Variants in RMST observed in about 807,000 individuals in gnomAD.
The protein encoded by RMST is rhabdomyosarcoma 2 associated transcript.
At chr12:97,507,007 A>T (rs1457374718) in intron 10 of RMST, among the ~76,000 whole-genome samples, 1 of 152,070 alleles carries the variant, frequency 6.6e-6, no homozygotes, top group Non-Finnish European at 1.5e-5. Context: ...AGCGGAGAAG[A>T]TAACACCTGC....
chr12:97,554,590 G>A (rs1271045742), intron 11 of RMST, among the ~76,000 whole-genome samples: 3 of 152,014 alleles, frequency 2.0e-5, no homozygotes, highest in Non-Finnish European at 4.4e-5. Context: ...TTCACAAAAT[G>A]TTATTACTCA....
intron 11 of RMST, chr12:97,533,063 T>C (rs1267782342): frequency 6.6e-6 from 1 of 151,864 alleles, no homozygotes; most frequent in Admixed American, 6.6e-5. Context: ...AGAAGGACCA[T>C]AGCTCTCGCA....
intron 11 of RMST, among the ~76,000 whole-genome samples, chr12:97,540,357 T>A (rs921345506): frequency 4.0e-5 from 6 of 151,792 alleles, no homozygotes; most frequent in Admixed American, 1.3e-4. Flanking sequence ...GAAGACATTT[T>A]AAAAAATTTA....
chr12:97,513,597 G>A (rs1879640563), intron 10 of RMST, among the ~76,000 whole-genome samples: 1 of 152,174 alleles, frequency 6.6e-6, no homozygotes, highest in Non-Finnish European at 1.5e-5. Flanking sequence ...AAGCTGTTGT[G>A]AAAGAGAAAG....
intron 13 of RMST, among the ~76,000 whole-genome samples, chr12:97,562,014 T>G (rs1884148269): frequency 6.6e-6 from 1 of 152,178 alleles, no homozygotes; most frequent in Non-Finnish European, 1.5e-5. Flanking sequence ...CAGTTTTTGC[T>G]GGCTGAGTGC....
intron 11 of RMST, among the ~76,000 whole-genome samples, chr12:97,531,852 A>G (rs984473406): frequency 1.4e-4 from 21 of 152,000 alleles, no homozygotes; most frequent in Admixed American, 1.2e-3. Flanking sequence ...TTATGAAATT[A>G]CATTTTGGAA....
At chr12:97,475,952 CGTT>C (rs1267260034) in intron 5 of RMST, among the ~76,000 whole-genome samples, 2 of 152,120 alleles carry the variant, frequency 1.3e-5, no homozygotes, top group African/African-American at 4.8e-5. Context: ...CACATACTGA[CGTT>C]GTTTGAGAGT....
chr12:97,554,385 G>A (rs1344019127), intron 11 of RMST, among the ~76,000 whole-genome samples: 1 of 152,108 alleles, frequency 6.6e-6, no homozygotes, highest in Admixed American at 6.5e-5. Flanking sequence ...GATAATTTAA[G>A]TAGTAGAAAT....
intron 5 of RMST, among the ~76,000 whole-genome samples, chr12:97,471,706 C>T (rs1381769021): frequency 2.6e-5 from 4 of 152,132 alleles, no homozygotes; most frequent in African/African-American, 9.7e-5. Flanking sequence ...ATCTCACTGC[C>T]ACCTGGGTGC....
intron 11 of RMST, among the ~76,000 whole-genome samples, chr12:97,537,537 A>AT (rs1042966335): frequency 4.0e-5 from 6 of 151,236 alleles, no homozygotes; most frequent in South Asian, 4.2e-4. Flanking sequence ...AAAATTACAC[A>AT]TTTTTTTGCA....
rs554247066 is a variant in RMST at position 97,498,438 on chromosome 12, T to C, written n.1340+2382T>C. Among the ~76,000 whole-genome samples the C allele has an allele frequency of 1.8e-4, 28 of 152,262 alleles. No homozygotes were observed. In the South Asian group the frequency reaches 3.7e-3, roughly 20 times the overall value. ...AGGAAAGTAATCATCCCCATCCCCATAGAGTGGTTGTAAAGATTAAACAGG... is the reference window on the plus strand; with the variant it reads ...AGGAAAGTAATCATCCCCATCCCCACAGAGTGGTTGTAAAGATTAAACAGG... On this transcript the variant is annotated intron_variant and non_coding_transcript_variant, in intron 10 of 13. Coordinates refer to ENST00000640149, the Ensembl canonical transcript of RMST.
intron 4 of RMST, among the ~76,000 whole-genome samples, chr12:97,465,264 G>A (rs1257089816): frequency 1.3e-5 from 2 of 152,132 alleles, no homozygotes; most frequent in Non-Finnish European, 2.9e-5. Flanking sequence ...TGCTACGGGC[G>A]GCTCTGTCGC....
rs386377507 is a variant in RMST at position 97,479,133 on chromosome 12, C to CTTTTTTT, written n.645-13310_645-13304dup. On this transcript the variant is annotated intron_variant and non_coding_transcript_variant, in intron 5 of 13. Transcript: ENST00000640149. ...TACTTTGGGTGTTTCCTTGTCTTTG[C>CTTTTTTT]TTTTTTTTTTTTTTTTTTTTTTTTG... 6.2e-3 allele frequency among the ~76,000 whole-genome samples: 431 copies of CTTTTTTT among 69,036 alleles called. 16 individuals are homozygous for CTTTTTTT. The highest frequency in any genetic ancestry group is 0.024 in the Middle Eastern group (1 of 42). The allele number at this position is 69,036 out of a possible 152,430, so 45.3% of individuals were successfully genotyped here. A position where few individuals can be genotyped will look rare whatever the true frequency, so the allele number is the denominator to read the frequency against.
At chr12:97,522,900 A>G (rs1244941582) in intron 10 of RMST, among the ~76,000 whole-genome samples, 1 of 152,170 alleles carries the variant, frequency 6.6e-6, no homozygotes, top group Non-Finnish European at 1.5e-5. Context: ...GATTTTGAGG[A>G]TTATTTTACC....
chr12:97,545,352 T>A (rs940786325), intron 11 of RMST, among the ~76,000 whole-genome samples: 2 of 152,040 alleles, frequency 1.3e-5, no homozygotes, highest in African/African-American at 4.8e-5. Context: ...AGAGGGAACA[T>A]CATGGAGCTG....
chr12:97,487,632 T>C lies in RMST; in HGVS notation n.645-4829T>C, dbSNP rs903467514. The stretch of plus-strand genomic sequence containing the variant: ...GTTGAAGATACTGGAGATAACGCTG[T>C]GACTGACACTGTGCTTAAGTAACTT... On this transcript the variant is annotated intron_variant and non_coding_transcript_variant, in intron 5 of 13. Transcript: ENST00000640149. Among the ~76,000 whole-genome samples, 18 of 152,290 alleles carry C rather than the reference T, an allele frequency of 1.2e-4. 1 individual carries two copies. The highest frequency in any genetic ancestry group is 7.2e-4 in the Admixed American group (11 of 15,294).
intron 10 of RMST, among the ~76,000 whole-genome samples, chr12:97,498,508 A>G (rs543063484): frequency 6.6e-6 from 1 of 152,320 alleles, no homozygotes; most frequent in South Asian, 2.1e-4. Flanking sequence ...GAGTCTTAGC[A>G]ATGATCTTTA....
chr12:97,469,726 C>T (rs1873670991), intron 5 of RMST, among the ~76,000 whole-genome samples: 1 of 152,018 alleles, frequency 6.6e-6, no homozygotes, highest in Non-Finnish European at 1.5e-5. Flanking sequence ...ATGTCCTAGG[C>T]TTGTTCAAGA....
chr12:97,478,810 A>C (rs1158077897), intron 5 of RMST, among the ~76,000 whole-genome samples: 18 of 152,200 alleles, frequency 1.2e-4, no homozygotes, highest in Admixed American at 1.2e-3. Context: ...TTAACAAGAA[A>C]ACAATACATC....
Sources: allele counts gnomAD v4.1 joint callset (sites outside exome capture counted in the v4.1 genomes callset), GRCh38; gene constraint gnomAD v4.1.1; transcripts MANE v1.5; gene names NCBI Gene and HGNC (gene_info 2026-07-23, HGNC 2026-07-21).